RGS22: variants seen among roughly 807,000 people sequenced by gnomAD.
The protein encoded by RGS22 is regulator of G-protein signaling 22.
In RGS22, 148 loss-of-function variants were observed where a neutral mutation model predicts 172.9. That is an observed-to-expected ratio of 0.86 (90% CI 0.75 to 0.98). The LOEUF (loss-of-function observed/expected upper bound fraction) is 0.98, where lower values mean the gene tolerates loss of function less well. Ranked by LOEUF, RGS22 falls within the 50% of genes least tolerant of loss-of-function variation. The pLI, the probability that RGS22 is intolerant of heterozygous loss-of-function variation, is 0.00. For missense variants in RGS22, 1,347 were observed against 1,440.8 expected, an observed-to-expected ratio of 0.93 and a Z score of 1.05; for synonymous variants, 458 against 480.2, an observed-to-expected ratio of 0.95 and a Z score of 0.60.
chr8:100,070,345 A>G (rs1159097545), intron 6 of RGS22, among the ~76,000 whole-genome samples: 1 of 152,210 alleles, frequency 6.6e-6, no homozygotes, highest in African/African-American at 2.4e-5. Context: ...AGAAATTTTA[A>G]TAAGATGTTT....
intron 17 of RGS22, 121 bp from the exon 18 acceptor site, chr8:100,002,485 T>G (rs1815202128): frequency 9.1e-6 from 8 of 880,568 alleles, no homozygotes; most frequent in Non-Finnish European, 1.3e-5. Context: ...TAGCATTAGA[T>G]CATGGAAATA....
chr8:100,002,261 G>T lies in RGS22; in HGVS notation c.2731C>A (p.Leu911Ile). Residue 911 changes from leucine to isoleucine, a missense_variant, in exon 18 of 28, where the codon CTT becomes ATT. Transcript: ENST00000360863. ...AKSIYIKNKY[L>I]NKKYFFGPNS... ...GGTCCAAAGAAATATTTTTTATTAA[G>T]GTATTTGTTTTTAATGTATATAGAT... is the stretch of plus-strand genomic sequence containing the variant. The T allele has an allele frequency of 6.2e-7, 1 of 1,609,764 alleles. No individual in the cohort carries two copies. Among genetic ancestry groups the T allele is most frequent in the South Asian group, 1.1e-5 (1 of 90,340 alleles).
chr8:100,044,537 A>G (rs1239046068), intron 11 of RGS22, among the ~76,000 whole-genome samples: 3 of 151,398 alleles, frequency 2.0e-5, no homozygotes, highest in Non-Finnish European at 4.4e-5. Flanking sequence ...ATGAGCCACC[A>G]TGCCCAGCCT....
intron 3 of RGS22, 80 bp from the exon 4 acceptor site, chr8:100,080,435 T>C (rs1053371178): frequency 2.1e-6 from 2 of 932,400 alleles, no homozygotes; most frequent in African/African-American, 1.7e-5. Flanking sequence ...GTGGTTTACA[T>C]ACATGCATGC....
intron 19 of RGS22, 87 bp downstream of exon 19, chr8:99,999,173 AGG>A: frequency 4.4e-6 from 5 of 1,131,554 alleles, no homozygotes; most frequent in African/African-American, 3.2e-5. Flanking sequence ...AAAAAAAAAA[AGG>A]ACAATGGCTG....
intron 17 of RGS22, chr8:100,003,118 C>T: frequency 4.6e-6 from 1 of 216,048 alleles, no homozygotes; most frequent in South Asian, 5.3e-5. Context: ...TGACTATAGT[C>T]AATAATAACT....
intron 10 of RGS22, among the ~76,000 whole-genome samples, chr8:100,049,110 CT>C (rs1821020407): frequency 6.6e-6 from 1 of 151,976 alleles, no homozygotes; most frequent in Admixed American, 6.6e-5. Context: ...CAGAAAGTAA[CT>C]GATGGGGATG....
Position 100,004,063 on chromosome 8 carries a change from T to G in RGS22, c.2490A>C (p.Ser830=). 2 of 1,602,506 alleles carry G rather than the reference T, an allele frequency of 1.2e-6. No individual in the cohort carries two copies. Among genetic ancestry groups the G allele is most frequent in the Non-Finnish European group, 1.7e-6 (2 of 1,173,938 alleles). ...CTGTTCGTTTAGAGACGTTAGAGAG[T>G]GATAAAATGCCAGTTCCAATTTCAC... ...TTCEIGTGIL[S]LSNVSKRTEY... is the part of the protein sequence containing the mutation. The change falls in exon 17 of 28, where the codon TCA becomes TCC. Residue 830 remains serine (S), a synonymous_variant. Transcript: ENST00000360863.
chr8:99,992,116 G>A (rs1307619075), intron 20 of RGS22, among the ~76,000 whole-genome samples: 2 of 152,190 alleles, frequency 1.3e-5, no homozygotes, highest in Non-Finnish European at 2.9e-5. Context: ...CCTGAAGGGA[G>A]CACTAAACAT....
chr8:100,012,071 C>G (rs1816441501), intron 14 of RGS22, among the ~76,000 whole-genome samples: 1 of 151,560 alleles, frequency 6.6e-6, no homozygotes, highest in Non-Finnish European at 1.5e-5. Context: ...AGACAGGAGA[C>G]AGCAATAAAT....
chr8:100,046,256 G>A (rs1215349810), intron 11 of RGS22: 2 of 152,026 alleles, frequency 1.3e-5, no homozygotes, highest in Non-Finnish European at 2.9e-5. Flanking sequence ...ATAATCTCCA[G>A]ATTCTTTAAT....
intron 24 of RGS22, among the ~76,000 whole-genome samples, chr8:99,964,321 G>A (rs566814447): frequency 5.3e-5 from 8 of 152,104 alleles, no homozygotes; most frequent in African/African-American, 1.9e-4. Flanking sequence ...AGGCATGGTG[G>A]TGTGCGCCTG....
intron 3 of RGS22, among the ~76,000 whole-genome samples, chr8:100,087,695 T>G (rs1361213041): frequency 6.6e-6 from 1 of 152,162 alleles, no homozygotes; most frequent in African/African-American, 2.4e-5. Flanking sequence ...AAAGCTGTAT[T>G]TTAAACATGC....
chr8:100,072,817 C>T (rs897196208), intron 4 of RGS22, among the ~76,000 whole-genome samples: 3 of 152,162 alleles, frequency 2.0e-5, no homozygotes, highest in Admixed American at 6.5e-5. Flanking sequence ...ACAGAACACG[C>T]ACTTCACTCT....
chr8:100,048,922 T>C (rs1821001177), intron 10 of RGS22, among the ~76,000 whole-genome samples: 1 of 152,174 alleles, frequency 6.6e-6, no homozygotes, highest in Non-Finnish European at 1.5e-5. Context: ...ACATTGTGAA[T>C]ATAACTAATA....
Position 100,093,486 on chromosome 8 carries a change from A to G in RGS22, c.78T>C (p.Asp26=). The part of the protein sequence containing the change: ...EEFEDSLATD[D]FLVDYFNEFL... ...ATTCATTAAAGTAGTCTACAAGGAA[A>G]TCATCTGTTGCCAGAGAATCTTCCT... Residue 26 remains aspartate (D), a synonymous_variant, in exon 3 of 28, where the codon GAT becomes GAC. Transcript: ENST00000360863. The G allele has an allele frequency of 6.3e-7, 1 of 1,598,012 alleles. No individual in the cohort carries two copies. The highest frequency in any genetic ancestry group is 8.6e-7 in the Non-Finnish European group (1 of 1,169,180).
chr8:100,047,442 C>T, intron 11 of RGS22, 21 bp downstream of exon 11: 1 of 1,571,656 alleles, frequency 6.4e-7, no homozygotes, highest in East Asian at 2.3e-5. Context: ...AAGCACTTAA[C>T]ACACAAAAAG....
intron 14 of RGS22, 72 bp downstream of exon 14, chr8:100,038,859 G>T: frequency 3.5e-6 from 3 of 860,460 alleles, no homozygotes; most frequent in African/African-American, 1.7e-5. Flanking sequence ...TTTCTCGTTT[G>T]GGACTGGACA....
chr8:99,962,241 T>C (rs1810277996), intron 27 of RGS22, among the ~76,000 whole-genome samples, 153 bp downstream of exon 27: 1 of 152,158 alleles, frequency 6.6e-6, no homozygotes, highest in African/African-American at 2.4e-5. Context: ...GACTGTGCCA[T>C]TCAAAAGGGA....
Sources: allele counts gnomAD v4.1 joint callset (sites outside exome capture counted in the v4.1 genomes callset), GRCh38; gene constraint gnomAD v4.1.1; transcripts MANE v1.5; gene names NCBI Gene and HGNC (gene_info 2026-07-23, HGNC 2026-07-21).